CFAP20DC: variants seen among roughly 807,000 people sequenced by gnomAD.
The protein encoded by CFAP20DC is CFAP20 domain containing.
In CFAP20DC, 84 loss-of-function variants were observed where a neutral mutation model predicts 101.7. That is an observed-to-expected ratio of 0.83 (90% confidence interval 0.69 to 0.99). The LOEUF (loss-of-function observed/expected upper bound fraction) is 0.99. CFAP20DC is among the 50% of genes least tolerant of loss of function. CFAP20DC has a pLI of 0.00. For synonymous variants in CFAP20DC, 359 were observed against 351.2 expected (o/e 1.02, Z -0.25); for missense variants, 1,007 against 970.3 (o/e 1.04, Z -0.50).
intron 15 of CFAP20DC, among the ~76,000 whole-genome samples, chr3:58,793,485 C>T (rs1352878240): frequency 2.0e-5 from 3 of 152,036 alleles, no homozygotes; most frequent in Non-Finnish European, 4.4e-5. Context: ...AGTAGTATTT[C>T]CAAAATGAAG....
chr3:58,953,575 G>T (rs920105419), intron 4 of CFAP20DC: 2 of 152,096 alleles, frequency 1.3e-5, no homozygotes, highest in Non-Finnish European at 2.9e-5. Flanking sequence ...TTGGCTTTGG[G>T]GGGAAAACAA....
intron 14 of CFAP20DC, among the ~76,000 whole-genome samples, chr3:58,813,475 C>T (rs1400295992): frequency 6.6e-6 from 1 of 151,962 alleles, no homozygotes; most frequent in East Asian, 1.9e-4. Flanking sequence ...GCTTTAGCTA[C>T]TTCCAAACCC....
intron 14 of CFAP20DC, among the ~76,000 whole-genome samples, chr3:58,822,355 C>T (rs2075730549): frequency 7.1e-6 from 1 of 141,002 alleles, no homozygotes; most frequent in Non-Finnish European, 1.5e-5. Flanking sequence ...CCAAACACCG[C>T]ATATTCTCAC....
At chr3:58,870,381 T>C (rs1343051823) in intron 7 of CFAP20DC, 72 bp from the exon 8 acceptor site, 112 of 1,501,918 alleles carry the variant, frequency 7.5e-5, no homozygotes, top group Non-Finnish European at 9.1e-5. Flanking sequence ...GCAATCTTTC[T>C]AAAAATCCAG....
intron 15 of CFAP20DC, among the ~76,000 whole-genome samples, chr3:58,781,158 T>C (rs2071790448): frequency 6.6e-6 from 1 of 151,446 alleles, no homozygotes; most frequent in African/African-American, 2.4e-5. Flanking sequence ...TACAAATACA[T>C]GGGAATTAAA....
At chr3:58,748,140 C>A (rs369859877) in intron 16 of CFAP20DC, among the ~76,000 whole-genome samples, 2 of 152,126 alleles carry the variant, frequency 1.3e-5, no homozygotes. Context: ...TACAAATATG[C>A]AGTGATTCAG....
At chr3:58,934,723 C>T (rs1227486975) in intron 5 of CFAP20DC, among the ~76,000 whole-genome samples, 3 of 152,146 alleles carry the variant, frequency 2.0e-5, no homozygotes, top group African/African-American at 7.2e-5. Flanking sequence ...AATTCAACAG[C>T]CCTTCATGCT....
intron 4 of CFAP20DC, among the ~76,000 whole-genome samples, chr3:58,976,982 A>G (rs987391525): frequency 6.6e-6 from 1 of 152,164 alleles, no homozygotes; most frequent in Non-Finnish European, 1.5e-5. Flanking sequence ...ATGTTTCTTA[A>G]ATGTATAGCT....
chr3:58,935,147 A>C (rs2087354414), intron 5 of CFAP20DC, among the ~76,000 whole-genome samples: 2 of 152,220 alleles, frequency 1.3e-5, no homozygotes, highest in African/African-American at 4.8e-5. Context: ...TCAGAGAGCC[A>C]AATCATGAGT....
chr3:58,991,952 T>C (rs1042146085), intron 4 of CFAP20DC, among the ~76,000 whole-genome samples: 1 of 152,212 alleles, frequency 6.6e-6, no homozygotes, highest in African/African-American at 2.4e-5. Context: ...AAAATGTTAC[T>C]GATTTAGCAA....
intron 15 of CFAP20DC, among the ~76,000 whole-genome samples, chr3:58,760,171 C>G (rs778141276): frequency 5.9e-5 from 9 of 152,086 alleles, no homozygotes; most frequent in African/African-American, 1.9e-4. Flanking sequence ...CATGAGCATG[C>G]AATGTTCTTC....
At position 59,021,240 on chromosome 3, in the gene CFAP20DC, G is replaced by A. The variant is rs1344755754; in HGVS notation, c.278+18317C>T. 2.0e-5 allele frequency among the ~76,000 whole-genome samples: 3 copies of A among 152,202 alleles called. No homozygotes were observed. The South Asian group carries it at 6.2e-4, about 32-fold the overall frequency. On this transcript the variant is annotated intron_variant, in intron 4 of 16. Coordinates refer to ENST00000482387, the MANE Select transcript of CFAP20DC (RefSeq NM_001394063.1). ...CATCTAAATTAAGACAATTTAGATA[G>A]TATCATTAAGACAACCTTAGGATTC...
intron 14 of CFAP20DC, among the ~76,000 whole-genome samples, chr3:58,816,160 C>T (rs2075112206): frequency 6.6e-6 from 1 of 151,834 alleles, no homozygotes; most frequent in Admixed American, 6.6e-5. Context: ...CACACATACA[C>T]CATGGAATAC....
intron 7 of CFAP20DC, among the ~76,000 whole-genome samples, chr3:58,883,096 T>C (rs1307660207): frequency 6.6e-6 from 1 of 152,140 alleles, no homozygotes; most frequent in African/African-American, 2.4e-5. Flanking sequence ...ACTTTTGAAA[T>C]TTTCATATCA....
chr3:58,802,349 A>C (rs2073770650), intron 15 of CFAP20DC, among the ~76,000 whole-genome samples: 1 of 152,230 alleles, frequency 6.6e-6, no homozygotes, highest in Non-Finnish European at 1.5e-5. Context: ...CTCAACATGA[A>C]TGAACTGTGA....
At chr3:58,803,631 T>C (rs1014641848) in intron 15 of CFAP20DC, among the ~76,000 whole-genome samples, 1 of 152,216 alleles carries the variant, frequency 6.6e-6, no homozygotes, top group Non-Finnish European at 1.5e-5. Flanking sequence ...TCTGTATTTA[T>C]GGCCCAATAA....
intron 4 of CFAP20DC, among the ~76,000 whole-genome samples, chr3:58,943,790 A>C (rs2088963738): frequency 6.6e-6 from 1 of 152,158 alleles, no homozygotes; most frequent in Non-Finnish European, 1.5e-5. Flanking sequence ...CTAAAGGAGC[A>C]TGTTTTAACC....
At chr3:58,900,678 G>C (rs1424542295) in intron 6 of CFAP20DC, among the ~76,000 whole-genome samples, 1 of 152,236 alleles carries the variant, frequency 6.6e-6, no homozygotes, top group African/African-American at 2.4e-5. Flanking sequence ...ACATGAAAGA[G>C]AAGGCTATGA....
At chr3:58,950,586 G>C (rs887906313) in intron 4 of CFAP20DC, among the ~76,000 whole-genome samples, 1 of 152,100 alleles carries the variant, frequency 6.6e-6, no homozygotes, top group African/African-American at 2.4e-5. Flanking sequence ...GAACAGAACA[G>C]AACTCTCAGA....
Sources: allele counts gnomAD v4.1 joint callset (sites outside exome capture counted in the v4.1 genomes callset), GRCh38; gene constraint gnomAD v4.1.1; transcripts MANE v1.5; gene names NCBI Gene and HGNC (gene_info 2026-07-23, HGNC 2026-07-21).